The following PCDHGC3 variants were observed in gnomAD, a reference collection of about 807,000 sequenced individuals.
PCDHGC3 encodes protocadherin gamma subfamily C, 3.
In PCDHGC3, 26 loss-of-function variants were observed where a neutral mutation model predicts 59.2. That is an observed-to-expected ratio of 0.44 (90% CI 0.32 to 0.61). The LOEUF (loss-of-function observed/expected upper bound fraction) is 0.61, where lower values mean the gene tolerates loss of function less well. Ranked by LOEUF, PCDHGC3 falls within the 20% of genes least tolerant of loss-of-function variation. The pLI is 0.05. For synonymous variants in PCDHGC3, 487 were observed against 519.7 expected (o/e 0.94, Z 0.86); for missense variants, 1,080 against 1,221.8 (o/e 0.88, Z 1.73).
In PCDHGC3 at chr5:141,486,872, C is replaced by T. The variant is rs1320632059; in HGVS notation, c.2431-7935C>T. On this transcript the variant is annotated intron_variant, in intron 1 of 3. Transcript: ENST00000308177. The surrounding 1 kb of genome is among the most constrained non-coding windows in gnomAD (Gnocchi z 5.0). ...CAATGACAATGCTCCAGCTGTGCTC[C>T]GTCCTCGGGCCCGGCCTGGTTCCTT... The T allele has an allele frequency of 3.7e-6, 6 of 1,614,232 alleles. No individual in the cohort carries two copies. Among genetic ancestry groups the T allele is most frequent in the African/African-American group, 1.3e-5 (1 of 75,070 alleles).
chr5:141,511,328 A>G lies in PCDHGC3; in HGVS notation c.*155A>G. On this transcript the variant is annotated 3_prime_UTR_variant, in exon 4 of 4. Transcript: ENST00000308177. Reference sequence around the variant, plus strand: ...CCTTGGGAAACAGAAACAAGTGCCCAGTCAGCACCTACCCCTTCCCCCCCA... The same window carrying G: ...CCTTGGGAAACAGAAACAAGTGCCCGGTCAGCACCTACCCCTTCCCCCCCA... The G allele has an allele frequency of 6.9e-7, 1 of 1,456,862 alleles. No individual in the cohort carries two copies. Among genetic ancestry groups the G allele is most frequent in the Non-Finnish European group, 9.1e-7 (1 of 1,093,622 alleles). 90.2% of individuals were successfully genotyped at this position (1,456,862 alleles called of 1,614,324 possible).
At chr5:141,509,481 A>G (rs2099877035) in intron 3 of PCDHGC3, among the ~76,000 whole-genome samples, 1 of 152,010 alleles carries the variant, frequency 6.6e-6, no homozygotes, top group Admixed American at 6.6e-5. Flanking sequence ...TGAGGGGTAG[A>G]GGTGATGGCA....
At chr5:141,497,214 G>C (rs929868102) in intron 2 of PCDHGC3, among the ~76,000 whole-genome samples, 2 of 152,138 alleles carry the variant, frequency 1.3e-5, no homozygotes, top group African/African-American at 4.8e-5. Flanking sequence ...TGTAATGGGG[G>C]GGGGAAGATC....
chr5:141,503,777 G>A (rs2099830497), intron 2 of PCDHGC3, among the ~76,000 whole-genome samples: 1 of 152,074 alleles, frequency 6.6e-6, no homozygotes, highest in South Asian at 2.1e-4. Context: ...TCTGTTCTTA[G>A]GCTGAGTTCA....
At chr5:141,478,723 A>C in intron 1 of PCDHGC3, 177 bp downstream of exon 1, 16 of 1,543,220 alleles carry the variant, frequency 1.0e-5, no homozygotes, top group Non-Finnish European at 1.3e-5. Flanking sequence ...GTGGCCTGCC[A>C]GAGTGTGGTT....
At chr5:141,492,163 C>G (rs921256341) in intron 1 of PCDHGC3, among the ~76,000 whole-genome samples, 3 of 152,232 alleles carry the variant, frequency 2.0e-5, no homozygotes, top group Admixed American at 6.5e-5. Flanking sequence ...CCTCCCTATC[C>G]CCGCATCACC....
In PCDHGC3 at chr5:141,487,241, A is replaced by G. The variant is rs753291480; in HGVS notation, c.2431-7566A>G. ...TCCAAGGGAAGGAGAATCTCGTCTA[A>G]CCCTCTACTTGGCTGTGTCCCTAGT... On this transcript the variant is annotated intron_variant, in intron 1 of 3. Transcript: ENST00000308177. The surrounding 1 kb of genome is among the most constrained non-coding windows in gnomAD (Gnocchi z 5.0). 2 of 1,613,876 alleles carry G rather than the reference A, an allele frequency of 1.2e-6. No homozygotes were observed. The highest frequency in any genetic ancestry group is 3.3e-5 in the Admixed American group (2 of 59,988).
intron 1 of PCDHGC3, chr5:141,478,782 T>C: frequency 6.7e-7 from 1 of 1,485,212 alleles, no homozygotes. Context: ...GTGGACCTAA[T>C]TCACATCCTC....
At position 141,489,076 on chromosome 5, in the gene PCDHGC3, C is replaced by T. The variant is rs536134432; in HGVS notation, c.2431-5731C>T. The T allele has an allele frequency of 6.1e-6, 2 of 326,424 alleles. No individual in the cohort carries two copies. Among genetic ancestry groups the T allele is most frequent in the East Asian group, 5.8e-5 (1 of 17,220 alleles). 20.2% of individuals were successfully genotyped at this position (326,424 alleles called of 1,614,324 possible). On this transcript the variant is annotated intron_variant, in intron 1 of 3. Coordinates refer to ENST00000308177, the MANE Select transcript of PCDHGC3 (RefSeq NM_002588.4). The surrounding 1 kb of genome is among the most constrained non-coding windows in gnomAD (Gnocchi z 4.5). The stretch of plus-strand genomic sequence containing the variant: ...CAGCTCCCCTCCCCCCTGCCCACCC[C>T]CGCCACTCGGTGACTAAGAACTGCT...
At chr5:141,499,438 G>A (rs2154592492) in intron 2 of PCDHGC3, among the ~76,000 whole-genome samples, 1 of 152,158 alleles carries the variant, frequency 6.6e-6, no homozygotes, top group Admixed American at 6.5e-5. Context: ...AAAATTAAAA[G>A]GAAAACCACC....
At position 141,476,746 on chromosome 5, in the gene PCDHGC3, C is replaced by A; in HGVS notation, c.630C>A (p.Leu210=). 1 of 1,614,068 alleles carries A rather than the reference C, an allele frequency of 6.2e-7. No homozygotes were observed. The change falls in exon 1 of 4, where the codon CTC becomes CTA. Residue 210 remains leucine (L), a synonymous_variant. Transcript: ENST00000308177. The surrounding 1 kb of genome is among the most constrained non-coding windows in gnomAD (Gnocchi z 7.6). ...TGGACCGAGAACGGGAGCCTAGTCT[C>A]CAGTTAGTGCTGACGGCGTTGGACG... ...RALDREREPS[L]QLVLTALDGG... is the part of the protein sequence containing the mutation.
Position 141,476,104 on chromosome 5 carries a change from G to A in PCDHGC3, c.-13G>A. 6.3e-7 allele frequency: 1 copy of A among 1,584,700 alleles called. No homozygotes were observed. Among genetic ancestry groups the A allele is most frequent in the Non-Finnish European group, 8.6e-7 (1 of 1,168,500 alleles). On this transcript the variant is annotated 5_prime_UTR_variant, in exon 1 of 4. Coordinates refer to ENST00000308177, the MANE Select transcript of PCDHGC3 (RefSeq NM_002588.4). The surrounding 1 kb of genome is among the most constrained non-coding windows in gnomAD (Gnocchi z 7.6). ...GATCTGGACCCCGCTGAGAGGAACTGCTTTTGAGTGAGATGGTCCCAGAGG... is the reference window on the plus strand; with the variant it reads ...GATCTGGACCCCGCTGAGAGGAACTACTTTTGAGTGAGATGGTCCCAGAGG...
rs1407016089 is a variant in PCDHGC3 at position 141,489,914 on chromosome 5, C to T, written c.2431-4893C>T. On this transcript the variant is annotated intron_variant, in intron 1 of 3. Coordinates refer to ENST00000308177, the MANE Select transcript of PCDHGC3 (RefSeq NM_002588.4). The surrounding 1 kb of genome is among the most constrained non-coding windows in gnomAD (Gnocchi z 4.5). Reference sequence around the variant, plus strand: ...GGGGGGACCCCAGCCCGCTCAGGGACCACCCTTATCTCTGTCATCGTGCTG... The same window carrying T: ...GGGGGGACCCCAGCCCGCTCAGGGATCACCCTTATCTCTGTCATCGTGCTG... 3 of 1,614,094 alleles carry T rather than the reference C, an allele frequency of 1.9e-6. No individual in the cohort carries two copies. Among genetic ancestry groups the T allele is most frequent in the African/African-American group, 2.7e-5 (2 of 74,936 alleles).
At chr5:141,497,820 G>A (rs1595489288) in intron 2 of PCDHGC3, among the ~76,000 whole-genome samples, 1 of 152,226 alleles carries the variant, frequency 6.6e-6, no homozygotes, top group Admixed American at 6.5e-5. Flanking sequence ...AATTACAGGT[G>A]TGATCGCCCC....
rs772884830 is a variant in PCDHGC3 at position 141,491,791 on chromosome 5, C to T, written c.2431-3016C>T. ...TAAGGGATTGAACTTGCATCCACTCCTCTCCGGCCGGCTTGGTCGCTGGCT... is the reference window on the plus strand; with the variant it reads ...TAAGGGATTGAACTTGCATCCACTCTTCTCCGGCCGGCTTGGTCGCTGGCT... On this transcript the variant is annotated intron_variant, in intron 1 of 3. Coordinates refer to ENST00000308177, the MANE Select transcript of PCDHGC3 (RefSeq NM_002588.4). This position sits in a 1 kb window ranked among gnomAD's most constrained non-coding sequence, Gnocchi z 6.9. The T allele has an allele frequency of 3.3e-6, 5 of 1,518,376 alleles. No homozygotes were observed. In the African/African-American group the frequency reaches 4.2e-5, roughly 13 times the overall value. The allele number at this position is 1,518,376 out of a possible 1,614,324, so 94.1% of individuals were successfully genotyped here.
rs1033888717 is a variant in PCDHGC3 at position 141,512,540 on chromosome 5, T to C, written c.*1367T>C. 6.5e-6 allele frequency: 1 copy of C among 152,886 alleles called. No homozygotes were observed. Among genetic ancestry groups the C allele is most frequent in the African/African-American group, 2.4e-5 (1 of 41,476 alleles). 9.5% of individuals were successfully genotyped at this position (152,886 alleles called of 1,614,324 possible). ...CCATAGCCTGGTTAAAGTTCCCCAGTGCCTCCTTGTGCATAGACCTTCTTC... is the reference window on the plus strand; with the variant it reads ...CCATAGCCTGGTTAAAGTTCCCCAGCGCCTCCTTGTGCATAGACCTTCTTC... On this transcript the variant is annotated 3_prime_UTR_variant, in exon 4 of 4. Transcript: ENST00000308177.
Position 141,487,532 on chromosome 5 carries a change from A to T in PCDHGC3, c.2431-7275A>T. 6.2e-7 allele frequency: 1 copy of T among 1,614,158 alleles called. No homozygotes were observed. The highest frequency in any genetic ancestry group is 8.5e-7 in the Non-Finnish European group (1 of 1,180,022). ...ACCCACTCGGAGTGATAGCTTCATG[A>T]TGGTGAAGTCACCCAGTGCACCTAT... is the stretch of plus-strand genomic sequence containing the variant. On this transcript the variant is annotated intron_variant, in intron 1 of 3. Transcript: ENST00000308177. This position sits in a 1 kb window ranked among gnomAD's most constrained non-coding sequence, Gnocchi z 5.0.
chr5:141,488,548 T>C (rs112676623), intron 1 of PCDHGC3, among the ~76,000 whole-genome samples: 2 of 152,318 alleles, frequency 1.3e-5, no homozygotes, highest in African/African-American at 4.8e-5. Flanking sequence ...CCATGTCAGC[T>C]GACATTGAGA....
intron 3 of PCDHGC3, among the ~76,000 whole-genome samples, chr5:141,506,045 C>G (rs1379226123): frequency 6.6e-6 from 1 of 152,078 alleles, no homozygotes; most frequent in Non-Finnish European, 1.5e-5. Flanking sequence ...TCTGGTTTTC[C>G]CATAAGGTTG....
Sources: gnomAD v4.1 joint callset for allele counts (sites outside exome capture counted in the v4.1 genomes callset) on GRCh38, gnomAD v4.1.1 for gene constraint, Gnocchi (gnomAD v3.1) non-coding constraint, MANE v1.5 for transcripts, NCBI Gene and HGNC (gene_info 2026-07-23, HGNC 2026-07-21) for gene names.